The following ADAMTS3 variants were observed in gnomAD, a reference collection of about 807,000 sequenced individuals.
ADAMTS3 encodes ADAM metallopeptidase with thrombospondin type 1 motif 3.
Under a neutral mutation model 129.0 loss-of-function variants are expected in ADAMTS3, and 73 were observed. The ratio of observed to expected loss-of-function variants is 0.57; its 90% CI spans 0.47 to 0.69. ADAMTS3 has a LOEUF of 0.69. Among genes scored for constraint, ADAMTS3 ranks in the 30% least tolerant of loss-of-function variants. The pLI, the probability that ADAMTS3 is intolerant of heterozygous loss-of-function variation, is 0.00. For synonymous variants in ADAMTS3, 477 were observed against 510.8 expected (o/e 0.93, Z 0.89); for missense variants, 1,457 against 1,514.5 (o/e 0.96, Z 0.63).
intron 3 of ADAMTS3, among the ~76,000 whole-genome samples, chr4:72,435,354 T>C (rs1420466180): frequency 6.6e-6 from 1 of 151,496 alleles, no homozygotes; most frequent in Non-Finnish European, 1.5e-5. Flanking sequence ...AGTAAGCAAA[T>C]GTGAAAAAAA....
At chr4:72,491,511 G>T (rs577015629) in intron 3 of ADAMTS3, among the ~76,000 whole-genome samples, 1 of 151,744 alleles carries the variant, frequency 6.6e-6, no homozygotes, top group East Asian at 1.9e-4. Flanking sequence ...TCATGAATGG[G>T]TATTGAACTT....
At chr4:72,407,053 C>T (rs1440077369) in intron 4 of ADAMTS3, among the ~76,000 whole-genome samples, 1 of 152,012 alleles carries the variant, frequency 6.6e-6, no homozygotes, top group Admixed American at 6.6e-5. Flanking sequence ...TTAAAGGAGA[C>T]AAAAACAACA....
At chr4:72,294,528 A>G (rs557205144) in intron 19 of ADAMTS3, among the ~76,000 whole-genome samples, 1 of 152,212 alleles carries the variant, frequency 6.6e-6, no homozygotes, top group African/African-American at 2.4e-5. Flanking sequence ...TCCACAATGT[A>G]TGCATACATC....
intron 3 of ADAMTS3, among the ~76,000 whole-genome samples, chr4:72,457,033 G>T (rs1198453402): frequency 6.6e-6 from 1 of 151,636 alleles, no homozygotes; most frequent in Admixed American, 6.6e-5. Context: ...GAGGTGTAGG[G>T]ATGTGAGCAT....
intron 3 of ADAMTS3, among the ~76,000 whole-genome samples, chr4:72,476,708 C>T (rs757244020): frequency 2.6e-5 from 4 of 151,968 alleles, no homozygotes; most frequent in Non-Finnish European, 5.9e-5. Context: ...GAAAATTACA[C>T]ATCAACATTC....
intron 15 of ADAMTS3, 40 bp from the exon 16 acceptor site, chr4:72,306,107 A>C (rs1719083436): frequency 2.7e-6 from 4 of 1,487,522 alleles, no homozygotes; most frequent in Admixed American, 4.2e-5. Context: ...GCAAAGAAGA[A>C]AACAAAAGCA....
chr4:72,553,267 A>G (rs970008396), intron 2 of ADAMTS3, among the ~76,000 whole-genome samples: 1 of 152,172 alleles, frequency 6.6e-6, no homozygotes, highest in African/African-American at 2.4e-5. Context: ...CTTAGTATCC[A>G]GGTCTTACCT....
chr4:72,446,715 G>C (rs1718262025), intron 3 of ADAMTS3, among the ~76,000 whole-genome samples: 1 of 151,688 alleles, frequency 6.6e-6, no homozygotes, highest in Admixed American at 6.6e-5. Context: ...AATATGCTCA[G>C]TGCAAACTCA....
chr4:72,437,316 C>A (rs1050763877), intron 3 of ADAMTS3, among the ~76,000 whole-genome samples: 10 of 151,802 alleles, frequency 6.6e-5, no homozygotes, highest in African/African-American at 2.4e-4. Flanking sequence ...TAGGGATCAG[C>A]ATGAAAAGCA....
intron 21 of ADAMTS3, 80 bp downstream of exon 21, chr4:72,288,671 A>G (rs1195873129): frequency 1.9e-5 from 17 of 902,850 alleles, no homozygotes; most frequent in South Asian, 8.6e-5. Context: ...TATAAATTCT[A>G]TAACTTCTCT....
At chr4:72,524,218 G>C (rs985292161) in intron 3 of ADAMTS3, among the ~76,000 whole-genome samples, 1 of 152,104 alleles carries the variant, frequency 6.6e-6, no homozygotes, top group Non-Finnish European at 1.5e-5. Context: ...AAAAGACAAA[G>C]AGAAGAATTA....
At chr4:72,367,770 A>C (rs905694110) in intron 4 of ADAMTS3, among the ~76,000 whole-genome samples, 1 of 151,668 alleles carries the variant, frequency 6.6e-6, no homozygotes, top group Non-Finnish European at 1.5e-5. Context: ...GAATGGCGTG[A>C]ACCCGGGAGG....
At chr4:72,468,663 G>A (rs1051353391) in intron 3 of ADAMTS3, among the ~76,000 whole-genome samples, 4 of 151,716 alleles carry the variant, frequency 2.6e-5, no homozygotes, top group African/African-American at 9.7e-5. Flanking sequence ...TAATGTCTTA[G>A]GTAAATCCAT....
At chr4:72,530,682 T>C (rs1396739424) in intron 3 of ADAMTS3, among the ~76,000 whole-genome samples, 5 of 91,176 alleles carry the variant, frequency 5.5e-5, no homozygotes, top group African/African-American at 2.3e-4. Flanking sequence ...ATAATATGTA[T>C]AATATATATT....
At chr4:72,318,818 C>T (rs759258528) in intron 9 of ADAMTS3, 114 bp from the exon 10 acceptor site, 1 of 1,136,388 alleles carries the variant, frequency 8.8e-7, no homozygotes, top group Non-Finnish European at 1.2e-6. Context: ...CCAGATCATA[C>T]AGCAAATTTG....
chr4:72,408,314 A>T (rs914644671), intron 4 of ADAMTS3, among the ~76,000 whole-genome samples: 3 of 152,136 alleles, frequency 2.0e-5, no homozygotes, highest in African/African-American at 7.2e-5. Context: ...TCCTCTGAAG[A>T]CAGAGGGTAG....
intron 4 of ADAMTS3, among the ~76,000 whole-genome samples, chr4:72,358,200 C>A (rs1266531930): frequency 6.6e-6 from 1 of 151,912 alleles, no homozygotes; most frequent in Non-Finnish European, 1.5e-5. Context: ...ATACTCTTGA[C>A]ATGATATAAA....
chr4:72,451,003 A>AGAGAAGAGAG lies in ADAMTS3; in HGVS notation c.505-36033_505-36032insCTCTCTTCTC, dbSNP rs1718389227. Among the ~76,000 whole-genome samples the AGAGAAGAGAG allele has an allele frequency of 3.7e-5, 4 of 109,526 alleles. No individual in the cohort carries two copies. The South Asian group carries it at 1.0e-3, about 28-fold the overall frequency. 71.9% of individuals were successfully genotyped at this position (109,526 alleles called of 152,430 possible). ...AGAGAAGAGAAGAGAAGAGAAGAGAAGAGAAGAGAAGAGAAATTTGCAACA... is the reference window on the plus strand; with the variant it reads ...AGAGAAGAGAAGAGAAGAGAAGAGAAGAGAAGAGAGGAGAAGAGAAGAGAAATTTGCAACA... On this transcript the variant is annotated intron_variant, in intron 3 of 21. Transcript: ENST00000286657.
At chr4:72,450,948 GC>G (rs1718383881) in intron 3 of ADAMTS3, among the ~76,000 whole-genome samples, 2 of 129,842 alleles carry the variant, frequency 1.5e-5, no homozygotes, top group African/African-American at 6.1e-5. Context: ...AGGAAGGAAG[GC>G]AGGCAGGCAG....
Sources: allele counts gnomAD v4.1 joint callset (sites outside exome capture counted in the v4.1 genomes callset), GRCh38; gene constraint gnomAD v4.1.1; transcripts MANE v1.5; gene names NCBI Gene and HGNC (gene_info 2026-07-23, HGNC 2026-07-21).